MAPT: variants seen among roughly 807,000 people sequenced by gnomAD.
MAPT encodes microtubule associated protein tau.
A neutral mutation model predicts 67.9 loss-of-function variants in MAPT; 34 were observed. The observed-to-expected ratio is 0.50, with a 90% CI of 0.38 to 0.67. The LOEUF (loss-of-function observed/expected upper bound fraction) is 0.67. Ranked by LOEUF, MAPT falls within the 30% of genes least tolerant of loss-of-function variation. The pLI is 0.00. For synonymous variants in MAPT, 456 were observed against 464.5 expected, an observed-to-expected ratio of 0.98 and a Z score of 0.23; for missense variants, 881 against 1,115.2, an observed-to-expected ratio of 0.79 and a Z score of 2.99.
At chr17:45,994,766 C>T (rs1419883433) in intron 8 of MAPT, among the ~76,000 whole-genome samples, 2 of 152,244 alleles carry the variant, frequency 1.3e-5, no homozygotes, top group African/African-American at 4.8e-5. Flanking sequence ...GAGGCCGAGG[C>T]GGGTGGATCA....
intron 11 of MAPT, 40 bp downstream of exon 11, chr17:46,014,364 A>G (rs1211462106): frequency 2.9e-6 from 4 of 1,402,530 alleles, no homozygotes; most frequent in South Asian, 1.2e-5. Flanking sequence ...GGGAGGGTGC[A>G]GGGGGTGGAG....
chr17:45,978,629 C>T, intron 4 of MAPT, 189 bp downstream of exon 4: 1 of 591,084 alleles, frequency 1.7e-6, no homozygotes, highest in Non-Finnish European at 3.0e-6. Flanking sequence ...TTTCTAATAC[C>T]ATTTCTGGGT....
chr17:45,961,461 G>A (rs1213257150), intron 1 of MAPT, among the ~76,000 whole-genome samples: 1 of 152,116 alleles, frequency 6.6e-6, no homozygotes, highest in African/African-American at 2.4e-5. Flanking sequence ...GGTGAATGGG[G>A]GCCACAGCCT....
rs41543317 is a variant in MAPT, at chr17:46,010,134, A to G, written c.1999-176A>G. The stretch of plus-strand genomic sequence containing the variant: ...CTTCAGCTCCCCTGGGATGTGACTC[A>G]ACCTCCCGTCACTCCCCAGACTGCC... On this transcript the variant is annotated intron_variant, in intron 9 of 12. Transcript: ENST00000262410. The surrounding 1 kb of genome is among the most constrained non-coding windows in gnomAD (Gnocchi z 4.7). Among the ~76,000 whole-genome samples, 95,007 of 151,880 alleles carry G rather than the reference A, an allele frequency of 0.63. 29,956 individuals carry two copies. Among genetic ancestry groups the G allele is most frequent in the East Asian group, 0.89 (4,594 of 5,148 alleles).
intron 1 of MAPT, among the ~76,000 whole-genome samples, chr17:45,944,259 C>T (rs899530906): frequency 2.6e-5 from 4 of 152,190 alleles, no homozygotes; most frequent in African/African-American, 9.6e-5. Context: ...AGCCAGTGGA[C>T]CCCACCAGGG....
chr17:45,903,294 T>A (rs1321821685), intron 1 of MAPT, among the ~76,000 whole-genome samples: 1 of 152,114 alleles, frequency 6.6e-6, no homozygotes, highest in Non-Finnish European at 1.5e-5. Flanking sequence ...CTGCCATTGA[T>A]TTGCAGGTCA....
At chr17:45,909,218 A>G (rs1334769721) in intron 1 of MAPT, among the ~76,000 whole-genome samples, 2 of 151,338 alleles carry the variant, frequency 1.3e-5, no homozygotes, top group African/African-American at 2.4e-5. Flanking sequence ...GACAGATGCA[A>G]CCAGTGTGCC....
chr17:45,901,521 G>A (rs755712086), intron 1 of MAPT, among the ~76,000 whole-genome samples: 1 of 152,088 alleles, frequency 6.6e-6, no homozygotes, highest in Non-Finnish European at 1.5e-5. Flanking sequence ...GCAAACTTGT[G>A]GTGTACTGAA....
chr17:45,974,786 C>A, intron 3 of MAPT: 1 of 396,254 alleles, frequency 2.5e-6, no homozygotes, highest in Non-Finnish European at 4.8e-6. Context: ...GTGGCAGACC[C>A]GTGCCTTCTT....
intron 1 of MAPT, among the ~76,000 whole-genome samples, chr17:45,911,776 A>AAC (rs1447668277): frequency 2.1e-5 from 3 of 141,200 alleles, no homozygotes; most frequent in Non-Finnish European, 4.9e-5. Flanking sequence ...AAAAACAAAC[A>AAC]AACAACAAAA....
chr17:45,905,370 T>C (rs1419243126), intron 1 of MAPT, among the ~76,000 whole-genome samples: 1 of 152,214 alleles, frequency 6.6e-6, no homozygotes, highest in East Asian at 1.9e-4. Flanking sequence ...CAGTGGCGGC[T>C]GCACTCTGTT....
chr17:45,945,459 G>A (rs147203600), intron 1 of MAPT, among the ~76,000 whole-genome samples: 37 of 152,300 alleles, frequency 2.4e-4, no homozygotes, highest in Middle Eastern at 3.4e-3. Flanking sequence ...GAGCTGGAAG[G>A]TAGGGACCCC....
At chr17:46,008,992 G>C (rs979528349) in intron 9 of MAPT, among the ~76,000 whole-genome samples, 1 of 152,236 alleles carries the variant, frequency 6.6e-6, no homozygotes, top group East Asian at 1.9e-4. Flanking sequence ...GAGCCCAGGA[G>C]TTTCAAACTA....
chr17:45,989,043 G>T (rs947977085), intron 6 of MAPT, among the ~76,000 whole-genome samples: 6 of 151,126 alleles, frequency 4.0e-5, no homozygotes, highest in African/African-American at 9.7e-5. Context: ...TTTCCAACTT[G>T]GGGGGGGCAC....
At chr17:45,924,926 T>A (rs1227532619) in intron 1 of MAPT, among the ~76,000 whole-genome samples, 3 of 152,192 alleles carry the variant, frequency 2.0e-5, no homozygotes, top group African/African-American at 2.4e-5. Flanking sequence ...ATCTTGGTGC[T>A]GAATTAGGTT....
chr17:46,009,057 G>C (rs902409066), intron 9 of MAPT, among the ~76,000 whole-genome samples: 1 of 152,134 alleles, frequency 6.6e-6, no homozygotes, highest in Non-Finnish European at 1.5e-5. Context: ...AAATTTGCCA[G>C]GTGTGGTGGC....
At chr17:46,011,289 G>C (rs2075802053) in intron 10 of MAPT, among the ~76,000 whole-genome samples, 1 of 152,166 alleles carries the variant, frequency 6.6e-6, no homozygotes, top group Admixed American at 6.5e-5. Context: ...CCAGCTACTT[G>C]GGAGGCTGAG....
rs562536671 is a variant in MAPT at position 45,912,005 on chromosome 17, T to C, written c.-18+17319T>C. ...ATTCTCCTGAAAACTGGAATGCCACTGTAAACTATAAGCCCCACTTCAAAG... is the reference window on the plus strand; with the variant it reads ...ATTCTCCTGAAAACTGGAATGCCACCGTAAACTATAAGCCCCACTTCAAAG... On this transcript the variant is annotated intron_variant, in intron 1 of 12. Coordinates refer to ENST00000262410, the MANE Select transcript of MAPT (RefSeq NM_001377265.1). Among the ~76,000 whole-genome samples the C allele has an allele frequency of 3.3e-5, 5 of 152,318 alleles. No individual in the cohort carries two copies. The South Asian group carries it at 8.3e-4, about 25-fold the overall frequency.
chr17:45,925,767 A>AAAG (rs147319425), intron 1 of MAPT, among the ~76,000 whole-genome samples: 21,802 of 152,260 alleles, frequency 0.14, 2,123 homozygotes, highest in Middle Eastern at 0.22. Flanking sequence ...GCACAGGAAA[A>AAAG]AAATGTACAA....
Sources: gnomAD v4.1 joint callset for allele counts (sites outside exome capture counted in the v4.1 genomes callset) on GRCh38, gnomAD v4.1.1 for gene constraint, Gnocchi (gnomAD v3.1) non-coding constraint, MANE v1.5 for transcripts, NCBI Gene and HGNC (gene_info 2026-07-23, HGNC 2026-07-21) for gene names.